RPS6KC1: variants seen among roughly 807,000 people sequenced by gnomAD.
The protein encoded by RPS6KC1 is inactive ribosomal protein S6 kinase delta-1.
In RPS6KC1, 54 loss-of-function variants were observed where a neutral mutation model predicts 103.8. The observed-to-expected ratio is 0.52, with a 90% CI of 0.42 to 0.65. RPS6KC1 has a LOEUF of 0.65. RPS6KC1 is among the 30% of genes least tolerant of loss of function. RPS6KC1 has a pLI of 0.00. For synonymous variants in RPS6KC1, 439 were observed against 438.7 expected (o/e 1.00, Z -0.01); for missense variants, 1,151 against 1,253.8 (o/e 0.92, Z 1.24).
chr1:213,248,319 C>A (rs1177878132), intron 12 of RPS6KC1, among the ~76,000 whole-genome samples: 1 of 151,866 alleles, frequency 6.6e-6, no homozygotes, highest in East Asian at 1.9e-4. Context: ...TTTTATTTAC[C>A]CTTAAGCAAA....
intron 3 of RPS6KC1, among the ~76,000 whole-genome samples, chr1:213,104,205 A>G (rs2082264462): frequency 6.6e-6 from 1 of 152,198 alleles, no homozygotes; most frequent in African/African-American, 2.4e-5. Flanking sequence ...GACAGGCTCT[A>G]AATTATGAAT....
At chr1:213,382,556 C>T in the RPS6KC1 span, among the ~76,000 whole-genome samples, 8 of 132,096 alleles carry the variant, frequency 6.1e-5, no homozygotes, top group Non-Finnish European at 9.4e-5. Context: ...TTTTTTGAAG[C>T]GGTTGTAGGG....
At chr1:213,780,248 T>C in the RPS6KC1 span, among the ~76,000 whole-genome samples, 2 of 152,078 alleles carry the variant, frequency 1.3e-5, no homozygotes, top group Non-Finnish European at 2.9e-5. Flanking sequence ...GACCCCCGGG[T>C]AGGTATATAA....
the RPS6KC1 span, among the ~76,000 whole-genome samples, chr1:213,407,216 G>GCACA: frequency 1.3e-4 from 12 of 92,716 alleles, no homozygotes; most frequent in Admixed American, 2.8e-4. Context: ...ACATGCACGC[G>GCACA]CGCACACACA....
At chr1:213,774,725 A>G in the RPS6KC1 span, among the ~76,000 whole-genome samples, 2 of 152,330 alleles carry the variant, frequency 1.3e-5, no homozygotes, top group Non-Finnish European at 2.9e-5. Context: ...TGGGAAAAAG[A>G]TTGAAATTAG....
At chr1:213,057,272 G>A (rs919152728) in intron 1 of RPS6KC1, among the ~76,000 whole-genome samples, 6 of 152,094 alleles carry the variant, frequency 3.9e-5, no homozygotes, top group Admixed American at 1.3e-4. Context: ...TATTCTTGGT[G>A]CCTAGCACAG....
chr1:213,112,177 T>C (rs2148842580), intron 4 of RPS6KC1, among the ~76,000 whole-genome samples: 1 of 152,256 alleles, frequency 6.6e-6, no homozygotes, highest in East Asian at 1.9e-4. Flanking sequence ...TTTATTATTC[T>C]GTTAGTAGTG....
intron 5 of RPS6KC1, among the ~76,000 whole-genome samples, 164 bp from the exon 6 acceptor site, chr1:213,129,363 A>G (rs2085333611): frequency 6.6e-6 from 1 of 152,230 alleles, no homozygotes; most frequent in African/African-American, 2.4e-5. Flanking sequence ...CAGTAAAATG[A>G]ATGGACTAAG....
intron 10 of RPS6KC1, among the ~76,000 whole-genome samples, chr1:213,234,678 A>G (rs1465802396): frequency 6.6e-6 from 1 of 152,210 alleles, no homozygotes; most frequent in Admixed American, 6.5e-5. Context: ...AGCCTTGTAC[A>G]GCAGAGTAAG....
chr1:213,573,969 TG>T, the RPS6KC1 span, among the ~76,000 whole-genome samples: 1 of 152,190 alleles, frequency 6.6e-6, no homozygotes, highest in Non-Finnish European at 1.5e-5. Flanking sequence ...AGCAGACCAA[TG>T]GCTGATAGTC....
chr1:213,214,784 G>A (rs907612011), intron 8 of RPS6KC1, among the ~76,000 whole-genome samples: 7 of 152,068 alleles, frequency 4.6e-5, no homozygotes, highest in South Asian at 4.1e-4. Context: ...GTGGACCTCC[G>A]GCAAACTCCA....
the RPS6KC1 span, among the ~76,000 whole-genome samples, chr1:213,335,112 T>C: frequency 6.6e-6 from 1 of 152,206 alleles, no homozygotes; most frequent in African/African-American, 2.4e-5. Context: ...GAGCTAAGGC[T>C]TAGAGAAGCA....
chr1:213,670,315 C>A, the RPS6KC1 span, among the ~76,000 whole-genome samples: 4 of 152,158 alleles, frequency 2.6e-5, no homozygotes, highest in African/African-American at 7.2e-5. Context: ...ACTTGGGAGC[C>A]CTTTTGGCCA....
the RPS6KC1 span, among the ~76,000 whole-genome samples, chr1:213,412,998 TC>T: frequency 4.6e-5 from 7 of 152,258 alleles, no homozygotes; most frequent in Admixed American, 1.3e-4. Context: ...TGTTTTAAGA[TC>T]CTTGAGGATC....
At chr1:213,762,823 G>A in the RPS6KC1 span, among the ~76,000 whole-genome samples, 4 of 150,866 alleles carry the variant, frequency 2.7e-5, no homozygotes, top group African/African-American at 9.7e-5. Flanking sequence ...CTAGACAAAT[G>A]TATAGTTTGA....
chr1:213,428,440 C>T, the RPS6KC1 span, among the ~76,000 whole-genome samples: 1 of 72,968 alleles, frequency 1.4e-5, no homozygotes, highest in African/African-American at 4.5e-5. Flanking sequence ...CTCCCTCCCT[C>T]CATCCCTCCC....
the RPS6KC1 span, among the ~76,000 whole-genome samples, chr1:213,425,880 T>C: frequency 6.6e-6 from 1 of 152,098 alleles, no homozygotes; most frequent in Non-Finnish European, 1.5e-5. Context: ...TGAAGGATGG[T>C]GACCAGCGGG....
chr1:213,320,099 A>G, the RPS6KC1 span, among the ~76,000 whole-genome samples: 61 of 152,342 alleles, frequency 4.0e-4, no homozygotes, highest in South Asian at 0.011. Context: ...TTTGGTGAGT[A>G]TAACAAGTTC....
chr1:213,246,995 C>T (rs1184889100), intron 12 of RPS6KC1, among the ~76,000 whole-genome samples: 1 of 152,164 alleles, frequency 6.6e-6, no homozygotes, highest in Non-Finnish European at 1.5e-5. Flanking sequence ...ACTTAAGTTT[C>T]CCATTCTAGT....
Sources: allele counts gnomAD v4.1 joint callset (sites outside exome capture counted in the v4.1 genomes callset), GRCh38; gene constraint gnomAD v4.1.1; transcripts MANE v1.5; gene names NCBI Gene and HGNC (gene_info 2026-07-23, HGNC 2026-07-21).